Variants in SEM1 observed in about 807,000 individuals in gnomAD.
SEM1 encodes the protein 26S proteasome complex subunit SEM1.
In SEM1, 3 loss-of-function variants were observed where a neutral mutation model predicts 12.7. The ratio of observed to expected loss-of-function variants is 0.24; its 90% confidence interval spans 0.11 to 0.61. The LOEUF (loss-of-function observed/expected upper bound fraction) is 0.61. SEM1 is among the 20% of genes least tolerant of loss of function. The pLI is 0.88. For synonymous variants in SEM1, 30 were observed against 27.8 expected, an observed-to-expected ratio of 1.08 and a Z score of -0.25; for missense variants, 59 against 81.3, an observed-to-expected ratio of 0.73 and a Z score of 1.06.
chr7:96,581,688 G>T (rs373189425), intron 2 of SEM1, among the ~76,000 whole-genome samples: 6 of 152,164 alleles, frequency 3.9e-5, no homozygotes, highest in African/African-American at 9.6e-5. Context: ...GTCTTTCACA[G>T]CCCTTGTAAG....
chr7:96,556,352 C>G (rs372633569), intron 2 of SEM1, among the ~76,000 whole-genome samples: 1 of 151,998 alleles, frequency 6.6e-6, no homozygotes, highest in African/African-American at 2.4e-5. Context: ...CCATGTTTAG[C>G]GCTTCCTTCA....
intron 2 of SEM1, among the ~76,000 whole-genome samples, chr7:96,587,268 C>G (rs1398132702): frequency 1.3e-5 from 2 of 152,130 alleles, no homozygotes; most frequent in African/African-American, 4.8e-5. Flanking sequence ...GATCACAGAA[C>G]CTTCTTTTTC....
Position 96,688,941 on chromosome 7 carries a change from T to C in SEM1, c.196A>G (p.Lys66Glu). 6.3e-7 allele frequency: 1 copy of C among 1,596,796 alleles called. No homozygotes were observed. Among genetic ancestry groups the C allele is most frequent in the South Asian group, 1.1e-5 (1 of 90,586 alleles). ...TCTGGATGCTATGAAGTCTCCATCT[T>C]ATAACCATGTTTCTCTAGTTCAGCT... ...LRAELEKHGY[K>E]METS Residue 66 changes from lysine (K) to glutamate (E), a missense_variant, in exon 3 of 3, where the codon AAG becomes GAG. Coordinates refer to ENST00000248566, the MANE Select transcript of SEM1 (RefSeq NM_006304.2).
intron 2 of SEM1, among the ~76,000 whole-genome samples, chr7:96,677,320 G>A (rs1400607581): frequency 6.6e-6 from 1 of 152,152 alleles, no homozygotes; most frequent in Non-Finnish European, 1.5e-5. Context: ...AGAGCTAAAA[G>A]GTTCAGTTGG....
intron 2 of SEM1, among the ~76,000 whole-genome samples, chr7:96,642,749 T>A (rs1343479552): frequency 2.6e-5 from 4 of 151,966 alleles, no homozygotes; most frequent in African/African-American, 9.7e-5. Flanking sequence ...AGAAGCCATT[T>A]TTTTTTCATT....
At chr7:96,685,856 C>A (rs935415614), downstream of SEM1, among the ~76,000 whole-genome samples, 1 of 151,760 alleles carries the variant, frequency 6.6e-6, no homozygotes, top group Admixed American at 6.6e-5. Flanking sequence ...CTCAGCCCTG[C>A]AGGGATTCTT....
chr7:96,629,603 G>A (rs1347437686), intron 2 of SEM1, among the ~76,000 whole-genome samples: 2 of 151,966 alleles, frequency 1.3e-5, no homozygotes. Context: ...TGTCTGAAAG[G>A]TCACATATCC....
chr7:96,609,407 G>A (rs1807477963), intron 2 of SEM1, among the ~76,000 whole-genome samples: 1 of 152,262 alleles, frequency 6.6e-6, no homozygotes, highest in South Asian at 2.1e-4. Flanking sequence ...TATGTTTATG[G>A]TAATTTACAA....
chr7:96,557,854 G>A (rs1250023727), intron 2 of SEM1, among the ~76,000 whole-genome samples: 12 of 152,284 alleles, frequency 7.9e-5, no homozygotes, highest in East Asian at 1.9e-4. Flanking sequence ...CTCCGTGGGC[G>A]TAGGACCCTC....
intron 2 of SEM1, among the ~76,000 whole-genome samples, chr7:96,607,618 C>CT (rs371320321): frequency 2.7e-3 from 2 of 734 alleles, no homozygotes; most frequent in African/African-American, 3.2e-3. Context: ...TAGCCAGCCA[C>CT]CCCACCTCAT....
At chr7:96,505,338 A>G (rs552402175) in intron 3 of SEM1, among the ~76,000 whole-genome samples, 2 of 152,164 alleles carry the variant, frequency 1.3e-5, no homozygotes, top group Non-Finnish European at 2.9e-5. Context: ...TCCTGACCTC[A>G]GGTGATCCAC....
At chr7:96,688,586 G>C (rs370042495), downstream of SEM1, 40 of 171,594 alleles carry the variant, frequency 2.3e-4, no homozygotes, top group South Asian at 7.1e-3. Context: ...GTACTGAATT[G>C]GGAATCAGGT....
At chr7:96,619,983 A>G (rs751834212), downstream of SEM1, among the ~76,000 whole-genome samples, 20 of 152,118 alleles carry the variant, frequency 1.3e-4, no homozygotes, top group Admixed American at 3.9e-4. Context: ...ATGGGCAAGA[A>G]GCTGTGGGGA....
intron 1 of SEM1, chr7:96,697,376 C>T (rs1343133037): frequency 6.6e-6 from 1 of 152,040 alleles, no homozygotes; most frequent in African/African-American, 2.4e-5. Flanking sequence ...ACATACTTCA[C>T]CTAAGTATCA....
chr7:96,591,026 GT>G (rs1479230090), intron 2 of SEM1, among the ~76,000 whole-genome samples: 1 of 152,156 alleles, frequency 6.6e-6, no homozygotes, highest in African/African-American at 2.4e-5. Context: ...AACATTACTT[GT>G]TTAGAGAAGT....
intron 2 of SEM1, among the ~76,000 whole-genome samples, chr7:96,576,014 A>G (rs1289209912): frequency 6.6e-6 from 1 of 152,158 alleles, no homozygotes; most frequent in East Asian, 1.9e-4. Flanking sequence ...ATGCTATGCT[A>G]TTTAGTAGAT....
intron 2 of SEM1, among the ~76,000 whole-genome samples, chr7:96,596,825 A>G (rs755674456): frequency 3.3e-5 from 5 of 152,224 alleles, no homozygotes; most frequent in Non-Finnish European, 5.9e-5. Context: ...TTTTTTAGCC[A>G]TCTGCTGAAA....
chr7:96,571,618 G>A (rs59377681), intron 2 of SEM1, among the ~76,000 whole-genome samples: 5,730 of 151,388 alleles, frequency 0.038, 348 homozygotes, highest in African/African-American at 0.13. Context: ...ACATACATAT[G>A]TATGTATGCA....
At chr7:96,569,304 T>C (rs752575601) in intron 2 of SEM1, among the ~76,000 whole-genome samples, 20 of 151,992 alleles carry the variant, frequency 1.3e-4, no homozygotes, top group Non-Finnish European at 4.4e-5. Context: ...AGAAAAACCG[T>C]GAAGGAGAAA....
Sources: allele counts gnomAD v4.1 joint callset (sites outside exome capture counted in the v4.1 genomes callset), GRCh38; gene constraint gnomAD v4.1.1; transcripts MANE v1.5; gene names NCBI Gene and HGNC (gene_info 2026-07-23, HGNC 2026-07-21).